The following CREB5 variants were observed in gnomAD, a reference collection of about 807,000 sequenced individuals.
The protein encoded by CREB5 is cyclic AMP-responsive element-binding protein 5.
Under a neutral mutation model 57.1 loss-of-function variants are expected in CREB5, and 19 were observed. The ratio of observed to expected loss-of-function variants is 0.33; its 90% CI spans 0.23 to 0.49. CREB5 has a LOEUF of 0.49. Ranked by LOEUF, CREB5 falls within the 20% of genes least tolerant of loss-of-function variation. The pLI is 0.99. For synonymous variants in CREB5, 238 were observed against 238.3 expected (o/e 1.00, Z 0.01); for missense variants, 579 against 671.6 (o/e 0.86, Z 1.52).
chr7:28,782,727 G>A lies in CREB5; in HGVS notation c.703-21472G>A, dbSNP rs138885069. 3.1e-3 allele frequency among the ~76,000 whole-genome samples: 479 copies of A among 152,300 alleles called. 5 individuals carry two copies. Among genetic ancestry groups the A allele is most frequent in the African/African-American group, 9.8e-3 (406 of 41,560 alleles). ...ATTAAGGATTTGGCATTTCTTGGGG[G>A]AAATTTTAGAAATTAGCGGATTGTC... On this transcript the variant is annotated intron_variant, in intron 7 of 10. Coordinates refer to ENST00000357727, the MANE Select transcript of CREB5 (RefSeq NM_182898.4).
chr7:28,611,090 C>T (rs994755529), intron 5 of CREB5, among the ~76,000 whole-genome samples: 1 of 151,990 alleles, frequency 6.6e-6, no homozygotes, highest in Non-Finnish European at 1.5e-5. Flanking sequence ...CTTAAACTTA[C>T]AGGAAGAGTT....
intron 3 of CREB5, among the ~76,000 whole-genome samples, chr7:28,495,490 T>G (rs217493): frequency 6.6e-6 from 1 of 150,874 alleles, no homozygotes; most frequent in African/African-American, 2.4e-5. Flanking sequence ...TGCAGTGAGC[T>G]GAGATCATGC....
intron 1 of CREB5, among the ~76,000 whole-genome samples, chr7:28,299,849 G>A (rs1424560799): frequency 6.6e-6 from 1 of 152,114 alleles, no homozygotes; most frequent in Non-Finnish European, 1.5e-5. Context: ...TATACACATT[G>A]GATAATGTGT....
intron 7 of CREB5, among the ~76,000 whole-genome samples, chr7:28,794,682 C>T (rs1807920718): frequency 6.6e-6 from 1 of 152,048 alleles, no homozygotes; most frequent in African/African-American, 2.4e-5. Flanking sequence ...GGCATTTCTT[C>T]CCTTTCGAAC....
intron 1 of CREB5, among the ~76,000 whole-genome samples, chr7:28,441,491 C>T (rs1353708758): frequency 6.6e-6 from 1 of 152,092 alleles, no homozygotes. Context: ...TTTATTTTGC[C>T]TACCTCCCAG....
intron 7 of CREB5, among the ~76,000 whole-genome samples, chr7:28,759,100 G>T (rs1183124891): frequency 6.6e-6 from 1 of 152,184 alleles, no homozygotes; most frequent in East Asian, 1.9e-4. Flanking sequence ...ACATGTGTTT[G>T]TGTGTGTATA....
chr7:28,679,427 G>T (rs930702482), intron 5 of CREB5, among the ~76,000 whole-genome samples: 2 of 152,162 alleles, frequency 1.3e-5, no homozygotes, highest in Non-Finnish European at 2.9e-5. Flanking sequence ...AAAGAGGCAG[G>T]CATTTACTTT....
At chr7:28,460,035 C>T (rs1451065519) in intron 1 of CREB5, among the ~76,000 whole-genome samples, 5 of 152,194 alleles carry the variant, frequency 3.3e-5, no homozygotes, top group African/African-American at 1.2e-4. Flanking sequence ...ATACCAACTT[C>T]ACTACCTGCT....
Position 28,471,498 on chromosome 7 carries a change from G to T in CREB5, c.4-16677G>T, listed in dbSNP as rs188334418. On this transcript the variant is annotated intron_variant, in intron 1 of 10. Transcript: ENST00000357727. Reference sequence around the variant, plus strand: ...TAGCTCAGTATAATTTGGCTATTTGGGGTCTTTTGTGTGAACCCATATACT... The same window carrying T: ...TAGCTCAGTATAATTTGGCTATTTGTGGTCTTTTGTGTGAACCCATATACT... Among the ~76,000 whole-genome samples, 4 of 152,102 alleles carry T rather than the reference G, an allele frequency of 2.6e-5. No individual in the cohort carries two copies. In the East Asian group the frequency reaches 5.8e-4, roughly 22 times the overall value.
At chr7:28,720,204 G>T (rs550720788) in intron 6 of CREB5, among the ~76,000 whole-genome samples, 1 of 152,194 alleles carries the variant, frequency 6.6e-6, no homozygotes, top group Non-Finnish European at 1.5e-5. Context: ...TGTATTCACA[G>T]GGCCACCGGA....
intron 7 of CREB5, among the ~76,000 whole-genome samples, chr7:28,782,453 T>A (rs1319838087): frequency 6.6e-6 from 1 of 152,248 alleles, no homozygotes; most frequent in East Asian, 1.9e-4. Context: ...AAGTCAGTTT[T>A]AATTTTTCTT....
chr7:28,305,928 T>C (rs1458791938), intron 1 of CREB5, among the ~76,000 whole-genome samples: 1 of 151,402 alleles, frequency 6.6e-6, no homozygotes, highest in African/African-American at 2.4e-5. Flanking sequence ...AGTGTGTGCG[T>C]GTGTGTGTGT....
chr7:28,478,011 G>A (rs1202712823), intron 1 of CREB5, among the ~76,000 whole-genome samples: 1 of 152,150 alleles, frequency 6.6e-6, no homozygotes, highest in Non-Finnish European at 1.5e-5. Flanking sequence ...AACTATTTGA[G>A]AGGCTGAGGT....
At chr7:28,549,393 A>G (rs1794535623) in intron 4 of CREB5, among the ~76,000 whole-genome samples, 1 of 152,218 alleles carries the variant, frequency 6.6e-6, no homozygotes, top group African/African-American at 2.4e-5. Flanking sequence ...CCTACACATT[A>G]AACATGAATG....
intron 1 of CREB5, among the ~76,000 whole-genome samples, chr7:28,336,131 C>T (rs532080625): frequency 6.6e-6 from 1 of 152,212 alleles, no homozygotes; most frequent in Admixed American, 6.5e-5. Flanking sequence ...AATTAATGTT[C>T]ATCAGAGACA....
At chr7:28,357,421 G>A (rs181709163) in intron 1 of CREB5, among the ~76,000 whole-genome samples, 65 of 152,224 alleles carry the variant, frequency 4.3e-4, no homozygotes, top group Non-Finnish European at 8.1e-4. Flanking sequence ...GAAGATGAAG[G>A]GAGGTATAGT....
At chr7:28,654,183 T>C (rs571845723) in intron 5 of CREB5, among the ~76,000 whole-genome samples, 51 of 152,152 alleles carry the variant, frequency 3.4e-4, no homozygotes, top group Non-Finnish European at 7.1e-4. Context: ...ATCTAAGATA[T>C]ACTATAGCAC....
intron 7 of CREB5, among the ~76,000 whole-genome samples, chr7:28,776,310 C>A (rs2128780244): frequency 6.7e-6 from 1 of 149,212 alleles, no homozygotes; most frequent in South Asian, 2.1e-4. Flanking sequence ...TGCACTCCCG[C>A]CTGGGCGACA....
At chr7:28,300,404 A>AC (rs1159942489) in intron 1 of CREB5, among the ~76,000 whole-genome samples, 1 of 152,218 alleles carries the variant, frequency 6.6e-6, no homozygotes, top group Non-Finnish European at 1.5e-5. Flanking sequence ...CCTTTTCTCA[A>AC]CAGAGCGTAT....
Sources: gnomAD v4.1 joint callset for allele counts (sites outside exome capture counted in the v4.1 genomes callset) on GRCh38, gnomAD v4.1.1 for gene constraint, MANE v1.5 for transcripts, NCBI Gene and HGNC (gene_info 2026-07-23, HGNC 2026-07-21) for gene names.